DLG5: variants seen among roughly 807,000 people sequenced by gnomAD.
DLG5 encodes discs large MAGUK scaffold protein 5.
DLG5 carries 48 observed loss-of-function variants against 189.8 expected under a neutral mutation model. The observed-to-expected ratio is 0.25, with a 90% confidence interval of 0.20 to 0.32. The LOEUF is 0.32. DLG5 is among the 10% of genes least tolerant of loss of function. DLG5 has a pLI of 1.00. For missense variants in DLG5, 2,160 were observed against 2,544.7 expected (o/e 0.85, Z 3.25); for synonymous variants, 1,016 against 1,054.1 (o/e 0.96, Z 0.70).
At chr10:77,828,329 T>G (rs1242081853) in intron 13 of DLG5, among the ~76,000 whole-genome samples, 1 of 151,514 alleles carries the variant, frequency 6.6e-6, no homozygotes, top group Non-Finnish European at 1.5e-5. Context: ...CTACTAAAAG[T>G]ACAAAAATTA....
In DLG5 at chr10:77,821,213, T is replaced by G; in HGVS notation, c.3271A>C (p.Lys1091Gln). 1.2e-6 allele frequency: 2 copies of G among 1,614,140 alleles called. No homozygotes were observed. Among genetic ancestry groups the G allele is most frequent in the Non-Finnish European group, 1.7e-6 (2 of 1,180,034 alleles). ...GDGDSSHLPA[K>Q]KSCDEDLTSQ... is the part of the protein sequence containing the mutation. ...GTGAGGTCCTCATCACAGGATTTCT[T>G]GGCCGGCAGGTGGGAGGAGTCCCCA... The change falls in exon 15 of 32, where the codon AAG becomes CAG. Residue 1091 changes from lysine (K) to glutamine (Q), a missense_variant. By Grantham distance (53) the Lys-to-Gln change is moderately conservative. Coordinates refer to ENST00000372391, the MANE Select transcript of DLG5 (RefSeq NM_004747.4).
rs74140357 is a variant in DLG5 at position 77,825,415 on chromosome 10, C to G, written c.2290-939G>C. ...ACACACACACACACACACACACACA[C>G]AGTACCAATGTCAATATGCTAGCTT... On this transcript the variant is annotated intron_variant, in intron 13 of 31. Transcript: ENST00000372391. 2.3e-3 allele frequency among the ~76,000 whole-genome samples: 338 copies of G among 148,298 alleles called. 2 individuals carry two copies. Among genetic ancestry groups the G allele is most frequent in the South Asian group, 0.018 (85 of 4,638 alleles).
intron 27 of DLG5, among the ~76,000 whole-genome samples, chr10:77,802,220 A>G (rs1211403795): frequency 6.6e-6 from 1 of 152,236 alleles, no homozygotes; most frequent in African/African-American, 2.4e-5. Flanking sequence ...GAAGCCACAC[A>G]GTCTGTGGTA....
At chr10:77,925,046 T>C (rs1208512827) in intron 1 of DLG5, among the ~76,000 whole-genome samples, 1 of 152,224 alleles carries the variant, frequency 6.6e-6, no homozygotes, top group Non-Finnish European at 1.5e-5. Flanking sequence ...TTTATACATA[T>C]ATCCTTATTT....
intron 1 of DLG5, among the ~76,000 whole-genome samples, chr10:77,916,616 AG>A (rs1429329619): frequency 6.6e-6 from 1 of 152,154 alleles, no homozygotes; most frequent in East Asian, 1.9e-4. Context: ...GAAGAAAAAA[AG>A]GAAAGAAAAT....
chr10:77,924,203 TCTC>T (rs1450339779), intron 1 of DLG5, among the ~76,000 whole-genome samples: 1 of 152,138 alleles, frequency 6.6e-6, no homozygotes, highest in African/African-American at 2.4e-5. Context: ...GAACTTAACT[TCTC>T]CTTGAAAAGT....
rs10824582 is a variant in DLG5 at position 77,843,930 on chromosome 10, T to C, written c.865-224A>G. Among the ~76,000 whole-genome samples, 41,925 of 152,066 alleles carry C rather than the reference T, an allele frequency of 0.28. 6,431 individuals are homozygous for C. The highest frequency in any genetic ancestry group is 0.35 in the Non-Finnish European group (23,819 of 67,964). On this transcript the variant is annotated intron_variant, in intron 5 of 31. Coordinates refer to ENST00000372391, the MANE Select transcript of DLG5 (RefSeq NM_004747.4). ...CTCAGTCACAACTATTTACTAAGTA[T>C]TGTGCAGAACAGTTAACACAGCTGA...
chr10:77,926,537 G>A lies in DLG5; in HGVS notation c.-17C>T, dbSNP rs1453672951. On this transcript the variant is annotated 5_prime_UTR_variant, in exon 1 of 32. Transcript: ENST00000372391. This position sits in a 1 kb window ranked among gnomAD's most constrained non-coding sequence, Gnocchi z 5.2. Reference sequence around the variant, plus strand: ...GGGCTCCATGGTGGCGGGCCGCGCCGCCCCGCCCCGCCGGACGCCTCCCGG... The same window carrying A: ...GGGCTCCATGGTGGCGGGCCGCGCCACCCCGCCCCGCCGGACGCCTCCCGG... The A allele has an allele frequency of 6.2e-5, 77 of 1,244,438 alleles. No homozygotes were observed. The South Asian group carries it at 1.5e-3, about 23-fold the overall frequency. The allele number at this position is 1,244,438 out of a possible 1,614,324, so 77.1% of individuals were successfully genotyped here. A position where few individuals can be genotyped will look rare whatever the true frequency, so the allele number is the denominator to read the frequency against.
At position 77,819,353 on chromosome 10, in the gene DLG5, G is replaced by A; in HGVS notation, c.3639C>T (p.Ala1213=). ...GCAAACCCTGGGGGCCAGCATCTCG[G>A]GCCGCAGGTGGAGAGCTGCAGGGGC... ...RVGPCSSPPA[A]RDAGPQGLHP... The change falls in exon 17 of 32, where the codon GCC becomes GCT. Residue 1213 remains alanine (A), a synonymous_variant. Coordinates refer to ENST00000372391, the MANE Select transcript of DLG5 (RefSeq NM_004747.4). 6.2e-7 allele frequency: 1 copy of A among 1,614,064 alleles called. No individual in the cohort carries two copies. The highest frequency in any genetic ancestry group is 8.5e-7 in the Non-Finnish European group (1 of 1,180,022).
chr10:77,807,496 T>C (rs779051380), intron 25 of DLG5, among the ~76,000 whole-genome samples: 18 of 152,132 alleles, frequency 1.2e-4, no homozygotes, highest in African/African-American at 1.9e-4. Flanking sequence ...AAACCTGGCT[T>C]GGGGGACACC....
intron 14 of DLG5, among the ~76,000 whole-genome samples, chr10:77,823,691 C>A (rs1260798936): frequency 1.3e-5 from 2 of 152,060 alleles, no homozygotes; most frequent in African/African-American, 4.8e-5. Flanking sequence ...CCATCACATC[C>A]GGCTATTTTT....
At chr10:77,858,547 A>G (rs1331055089) in intron 2 of DLG5, among the ~76,000 whole-genome samples, 15 of 152,052 alleles carry the variant, frequency 9.9e-5, no homozygotes, top group Non-Finnish European at 2.1e-4. Context: ...CTGAGGTGGG[A>G]GGATCGCCTG....
At chr10:77,852,189 G>A (rs1278647597) in intron 5 of DLG5, among the ~76,000 whole-genome samples, 1 of 152,014 alleles carries the variant, frequency 6.6e-6, no homozygotes, top group Non-Finnish European at 1.5e-5. Flanking sequence ...TGGACAACAT[G>A]GTGAAACCCT....
At chr10:77,842,608 C>T (rs952724097) in intron 6 of DLG5, among the ~76,000 whole-genome samples, 3 of 152,340 alleles carry the variant, frequency 2.0e-5, no homozygotes, top group Middle Eastern at 3.4e-3. Flanking sequence ...TCATCAAGTT[C>T]GCTCGAAGAG....
At chr10:77,896,359 A>G (rs538509654) in intron 1 of DLG5, among the ~76,000 whole-genome samples, 1 of 152,338 alleles carries the variant, frequency 6.6e-6, no homozygotes, top group African/African-American at 2.4e-5. Flanking sequence ...ACTATAGACT[A>G]GAGGATATAA....
rs113543511 is a variant in DLG5 at position 77,812,061 on chromosome 10, G to C, written c.4189-4C>G. 6.2e-7 allele frequency: 1 copy of C among 1,609,302 alleles called. No homozygotes were observed. Among genetic ancestry groups the C allele is most frequent in the South Asian group, 1.1e-5 (1 of 91,080 alleles). Reference sequence around the variant, plus strand: ...TCCGCAGGTTTATGCCGTTGAACTGGGGAAACACCAGGATGGGCTCAGTGG... The same window carrying C: ...TCCGCAGGTTTATGCCGTTGAACTGCGGAAACACCAGGATGGGCTCAGTGG... On this transcript the variant is annotated splice_polypyrimidine_tract_variant and splice_region_variant and intron_variant, in intron 21 of 31. Coordinates refer to ENST00000372391, the MANE Select transcript of DLG5 (RefSeq NM_004747.4).
the DLG5 span, among the ~76,000 whole-genome samples, chr10:77,936,681 C>G: frequency 6.6e-6 from 1 of 152,174 alleles, no homozygotes; most frequent in East Asian, 1.9e-4. Context: ...GCTACCTAAC[C>G]TCACTTTGCA....
intron 9 of DLG5, among the ~76,000 whole-genome samples, chr10:77,833,078 A>G (rs1218911711): frequency 6.6e-6 from 1 of 152,132 alleles, no homozygotes; most frequent in Non-Finnish European, 1.5e-5. Flanking sequence ...ACTAACAGCT[A>G]GGGAAATGTC....
intron 2 of DLG5, among the ~76,000 whole-genome samples, chr10:77,859,690 A>C (rs1372777684): frequency 6.6e-6 from 1 of 152,214 alleles, no homozygotes; most frequent in Non-Finnish European, 1.5e-5. Flanking sequence ...CAACTAAATT[A>C]CCAAATGACA....
Sources: allele counts gnomAD v4.1 joint callset (sites outside exome capture counted in the v4.1 genomes callset), GRCh38; gene constraint gnomAD v4.1.1; non-coding constraint Gnocchi (gnomAD v3.1); transcripts MANE v1.5; gene names NCBI Gene and HGNC (gene_info 2026-07-23, HGNC 2026-07-21).